PLB1: variants seen among roughly 807,000 people sequenced by gnomAD.
PLB1 encodes the protein phospholipase B1, membrane-associated.
PLB1 carries 242 observed loss-of-function variants against 227.4 expected under a neutral mutation model. The ratio of observed to expected loss-of-function variants is 1.06; its 90% CI spans 0.96 to 1.18. The LOEUF is 1.18. Ranked by LOEUF, PLB1 falls within the 50% of genes most tolerant of loss-of-function variation. PLB1 has a pLI of 0.00. For synonymous variants in PLB1, 757 were observed against 682.2 expected (o/e 1.11, Z -1.71); for missense variants, 1,858 against 1,816.3 (o/e 1.02, Z -0.42).
intron 43 of PLB1, among the ~76,000 whole-genome samples, chr2:28,612,920 A>ATT (rs36059309): frequency 7.0e-6 from 1 of 142,030 alleles, no homozygotes; most frequent in Non-Finnish European, 1.6e-5. Flanking sequence ...GCCCAGACTA[A>ATT]TTTTTTTTTT....
chr2:28,536,282 A>G (rs372947352), intron 9 of PLB1, among the ~76,000 whole-genome samples: 2 of 152,362 alleles, frequency 1.3e-5, no homozygotes, highest in African/African-American at 4.8e-5. Context: ...CTCTGAAGGC[A>G]GGTGCTTTGG....
intron 33 of PLB1, among the ~76,000 whole-genome samples, chr2:28,597,408 G>T (rs367837901): frequency 6.6e-6 from 1 of 150,630 alleles, no homozygotes; most frequent in East Asian, 1.9e-4. Context: ...TCTTCTGTGT[G>T]TCCTACTCAA....
Position 28,540,286 on chromosome 2 carries a change from A to G in PLB1, c.699-80A>G, listed in dbSNP as rs187151785. Reference sequence around the variant, plus strand: ...AAGCAACTCCTATGCCCCTTCTTCCATAAGAGGCGGGCTGGATGCATCCCC... The same window carrying G: ...AAGCAACTCCTATGCCCCTTCTTCCGTAAGAGGCGGGCTGGATGCATCCCC... On this transcript the variant is annotated intron_variant, in intron 11 of 57. Coordinates refer to ENST00000327757, the MANE Select transcript of PLB1 (RefSeq NM_153021.5). The G allele has an allele frequency of 1.0e-4, 121 of 1,196,098 alleles. No homozygotes were observed. In the East Asian group the frequency reaches 2.7e-3, roughly 26 times the overall value. The allele number at this position is 1,196,098 out of a possible 1,614,324, so 74.1% of individuals were successfully genotyped here. A position where few individuals can be genotyped will look rare whatever the true frequency, so the allele number is the denominator to read the frequency against.
At chr2:28,596,324 T>G (rs2148291961) in intron 33 of PLB1, among the ~76,000 whole-genome samples, 1 of 152,280 alleles carries the variant, frequency 6.6e-6, no homozygotes, top group Middle Eastern at 3.4e-3. Flanking sequence ...GTTTGAATAT[T>G]TTTGCGCTTT....
At chr2:28,535,937 A>T (rs774063867) in intron 9 of PLB1, among the ~76,000 whole-genome samples, 1 of 152,076 alleles carries the variant, frequency 6.6e-6, no homozygotes, top group African/African-American at 2.4e-5. Flanking sequence ...AAAACAAAAC[A>T]AAACAAATGC....
chr2:28,530,976 T>C (rs1193747700), intron 8 of PLB1, among the ~76,000 whole-genome samples: 1 of 152,194 alleles, frequency 6.6e-6, no homozygotes, highest in Non-Finnish European at 1.5e-5. Flanking sequence ...TTCCCAGAAG[T>C]CATGTGACCT....
chr2:28,598,625 C>A (rs1293990840), intron 34 of PLB1, 27 bp from the exon 35 acceptor site: 2 of 1,570,046 alleles, frequency 1.3e-6, no homozygotes, highest in Non-Finnish European at 1.8e-6. Context: ...TCTGAGCCGT[C>A]TGCATCCCAT....
intron 29 of PLB1, among the ~76,000 whole-genome samples, chr2:28,590,915 C>G (rs1369654011): frequency 1.3e-5 from 2 of 152,158 alleles, no homozygotes; most frequent in African/African-American, 2.4e-5. Flanking sequence ...CAGGCGCGTT[C>G]CCGTGAAGCA....
At chr2:28,513,866 G>GC (rs1331948501) in intron 1 of PLB1, among the ~76,000 whole-genome samples, 1 of 152,126 alleles carries the variant, frequency 6.6e-6, no homozygotes, top group East Asian at 1.9e-4. Context: ...TCTGGACCCA[G>GC]CCCCAACCCT....
At chr2:28,608,706 G>T (rs899059309) in intron 43 of PLB1, among the ~76,000 whole-genome samples, 2 of 152,056 alleles carry the variant, frequency 1.3e-5, no homozygotes, top group Non-Finnish European at 2.9e-5. Flanking sequence ...CTTTTCTTAG[G>T]TTTCATTCTT....
chr2:28,569,975 AAAAAGAAAG>A (rs1558788702), intron 20 of PLB1, among the ~76,000 whole-genome samples: 3 of 139,496 alleles, frequency 2.2e-5, no homozygotes, highest in Admixed American at 7.5e-5. Flanking sequence ...CAAAAAAAAA[AAAAAGAAAG>A]AAAAAAGAAA....
Position 28,537,658 on chromosome 2 carries a change from C to CAA in PLB1, c.556-639_556-638dup, listed in dbSNP as rs771254945. On this transcript the variant is annotated intron_variant, in intron 9 of 57. Transcript: ENST00000327757. ...TGGGCAAAAGAGCGAGACTCCATCT[C>CAA]AAAAAAAAAAAAAAAAAAAAAAAGG... 9.9e-3 allele frequency among the ~76,000 whole-genome samples: 549 copies of CAA among 55,582 alleles called. 10 individuals carry two copies. The highest frequency in any genetic ancestry group is 0.03 in the African/African-American group (467 of 15,558). 36.5% of individuals were successfully genotyped at this position (55,582 alleles called of 152,430 possible). A position where few individuals can be genotyped will look rare whatever the true frequency, so the allele number is the denominator to read the frequency against.
At chr2:28,544,215 A>T (rs1672897933) in intron 14 of PLB1, among the ~76,000 whole-genome samples, 1 of 152,222 alleles carries the variant, frequency 6.6e-6, no homozygotes, top group Non-Finnish European at 1.5e-5. Flanking sequence ...CCTTTGAAGA[A>T]GGCATTTGAG....
Position 28,526,072 on chromosome 2 carries a change from C to A in PLB1, c.325+127C>A. 6.5e-6 allele frequency: 7 copies of A among 1,083,802 alleles called. No homozygotes were observed. In the South Asian group the frequency reaches 1.0e-4, roughly 16 times the overall value. The allele number at this position is 1,083,802 out of a possible 1,614,324, so 67.1% of individuals were successfully genotyped here. A position where few individuals can be genotyped will look rare whatever the true frequency, so the allele number is the denominator to read the frequency against. On this transcript the variant is annotated intron_variant, in intron 6 of 57. Transcript: ENST00000327757. ...TCACTGGAGCCCAGGAGAAAGGGGA[C>A]GGTGTTCTGAGAGGACAGATCAGGA...
intron 19 of PLB1, 107 bp downstream of exon 19, chr2:28,565,460 T>G (rs1184513270): frequency 3.9e-6 from 4 of 1,029,368 alleles, no homozygotes; most frequent in African/African-American, 1.6e-5. Flanking sequence ...TGGGCCATTT[T>G]GTTCTTTTCT....
chr2:28,613,598 A>C (rs1685784869), intron 43 of PLB1, among the ~76,000 whole-genome samples: 1 of 152,234 alleles, frequency 6.6e-6, no homozygotes, highest in Admixed American at 6.5e-5. Flanking sequence ...AGAGGAAAAG[A>C]CATACAGTTC....
intron 22 of PLB1, among the ~76,000 whole-genome samples, chr2:28,579,319 A>G (rs6742836): frequency 0.31 from 47,512 of 152,050 alleles, 8,131 homozygotes; most frequent in African/African-American, 0.45. Flanking sequence ...CTTCCTTGCT[A>G]TGCTGGAGAT....
chr2:28,589,449 G>GGA lies in PLB1; in HGVS notation c.1818_1819dup (p.Lys607ArgfsTer6). 6.2e-7 allele frequency: 1 copy of GGA among 1,613,900 alleles called. No individual in the cohort carries two copies. Among genetic ancestry groups the GGA allele is most frequent in the South Asian group, 1.1e-5 (1 of 91,072 alleles). On this transcript the variant is annotated frameshift_variant and splice_region_variant. Transcript: ENST00000327757. LOFTEE classifies it high-confidence loss of function. ...ACATCTGTCCCCTTTTCCTCCTGCA[G>GGA]GAGAAGACCCACCAACTGATTGAGA...
intron 31 of PLB1, 47 bp downstream of exon 31, chr2:28,591,807 C>A: frequency 6.3e-7 from 1 of 1,578,332 alleles, no homozygotes; most frequent in Non-Finnish European, 8.7e-7. Context: ...TCCACAGGGG[C>A]TGCTATGCTG....
Sources: allele counts gnomAD v4.1 joint callset (sites outside exome capture counted in the v4.1 genomes callset), GRCh38; gene constraint gnomAD v4.1.1; transcripts MANE v1.5; gene names NCBI Gene and HGNC (gene_info 2026-07-23, HGNC 2026-07-21).